The following ENAH variants were observed in gnomAD, a reference collection of about 807,000 sequenced individuals.
ENAH encodes the protein ENAH actin regulator, also known as protein enabled homolog.
A neutral mutation model predicts 78.7 loss-of-function variants in ENAH; 23 were observed. The ratio of observed to expected loss-of-function variants is 0.29; its 90% CI spans 0.21 to 0.41. ENAH has a LOEUF of 0.41. Ranked by LOEUF, ENAH falls within the 10% of genes least tolerant of loss-of-function variation. The pLI is 1.00. For missense variants in ENAH, 544 were observed against 691.0 expected (o/e 0.79, Z 2.39); for synonymous variants, 226 against 241.0 (o/e 0.94, Z 0.58).
At chr1:225,571,428 G>A (rs1383261605) in intron 1 of ENAH, among the ~76,000 whole-genome samples, 1 of 152,066 alleles carries the variant, frequency 6.6e-6, no homozygotes. Flanking sequence ...TTGGGGGCCA[G>A]AGTCCCTAAC....
rs757657359 is a variant in ENAH at position 225,519,568 on chromosome 1, G to T, written c.435-3C>A. ...GCCGTTGCTGTTCTTGTAGTTGTCT[G>T]GAAAAAAAAAAAAAAAAGTAAAAAC... On this transcript the variant is annotated splice_region_variant and splice_polypyrimidine_tract_variant and intron_variant, in intron 4 of 13. Coordinates refer to ENST00000366843, the MANE Select transcript of ENAH (RefSeq NM_018212.6). The T allele has an allele frequency of 1.3e-6, 2 of 1,538,306 alleles. No homozygotes were observed. Among genetic ancestry groups the T allele is most frequent in the Non-Finnish European group, 1.7e-6 (2 of 1,150,382 alleles).
chr1:225,644,417 C>T (rs1190481200), intron 1 of ENAH, among the ~76,000 whole-genome samples: 3 of 152,016 alleles, frequency 2.0e-5, no homozygotes, highest in Non-Finnish European at 2.9e-5. Flanking sequence ...AAAAACTGAA[C>T]GGTCACAATT....
At chr1:225,513,902 T>C (rs1420077526) in intron 7 of ENAH, among the ~76,000 whole-genome samples, 1 of 151,812 alleles carries the variant, frequency 6.6e-6, no homozygotes, top group African/African-American at 2.4e-5. Flanking sequence ...TGAGGCAAAA[T>C]CGCTTGAACC....
chr1:225,560,308 A>G (rs2096695530), intron 2 of ENAH, among the ~76,000 whole-genome samples: 1 of 151,954 alleles, frequency 6.6e-6, no homozygotes, highest in Non-Finnish European at 1.5e-5. Flanking sequence ...CCTGGCCAAC[A>G]TGGCAAAACC....
chr1:225,577,717 G>A (rs751848257), intron 1 of ENAH, among the ~76,000 whole-genome samples: 25 of 152,110 alleles, frequency 1.6e-4, no homozygotes, highest in Non-Finnish European at 2.5e-4. Context: ...AAGCAAGATG[G>A]CATGATTTAA....
chr1:225,505,206 T>C (rs1054405567), intron 11 of ENAH, among the ~76,000 whole-genome samples: 8 of 152,208 alleles, frequency 5.3e-5, no homozygotes, highest in African/African-American at 1.2e-4. Flanking sequence ...ATAAAAGATA[T>C]TTTAAGATTA....
Position 225,492,918 on chromosome 1 carries a change from TAA to T in ENAH, c.*4855_*4856del, listed in dbSNP as rs1223132968. 6.6e-6 allele frequency: 1 copy of T among 152,016 alleles called. No homozygotes were observed. The highest frequency in any genetic ancestry group is 1.5e-5 in the Non-Finnish European group (1 of 67,970). The allele number at this position is 152,016 out of a possible 1,614,324, so 9.4% of individuals were successfully genotyped here. On this transcript the variant is annotated 3_prime_UTR_variant, in exon 14 of 14. Transcript: ENST00000366843. ...AACTATTTAGAAAGACAAATTTAGT[TAA>T]TTCTTTAGCAGTTGTCAAATGTGTC...
At chr1:225,593,418 TG>T (rs2096887708) in intron 1 of ENAH, among the ~76,000 whole-genome samples, 1 of 41,938 alleles carries the variant, frequency 2.4e-5, no homozygotes, top group African/African-American at 8.6e-5. Context: ...GGGGGGGGGG[TG>T]GGGGGTGCCC....
At chr1:225,615,851 G>A (rs532067066) in intron 1 of ENAH, among the ~76,000 whole-genome samples, 1 of 151,538 alleles carries the variant, frequency 6.6e-6, no homozygotes, top group Admixed American at 6.6e-5. Context: ...CATTGAGAAC[G>A]GGCCATGATG....
rs2096253038 is a variant in ENAH, at chr1:225,497,086, T to TTA, written c.*687_*688dup. On this transcript the variant is annotated 3_prime_UTR_variant, in exon 14 of 14. Coordinates refer to ENST00000366843, the MANE Select transcript of ENAH (RefSeq NM_018212.6). ...ACAATTTAGGAAGGCATCTAAATCT[T>TTA]TAAGTTCTGGACAAATTTTATGTTT... 6.6e-6 allele frequency: 1 copy of TTA among 152,650 alleles called. No individual in the cohort carries two copies. The highest frequency in any genetic ancestry group is 1.5e-5 in the Non-Finnish European group (1 of 68,038). 9.5% of individuals were successfully genotyped at this position (152,650 alleles called of 1,614,324 possible).
At chr1:225,519,864 C>T (rs1372924654) in intron 4 of ENAH, among the ~76,000 whole-genome samples, 1 of 152,170 alleles carries the variant, frequency 6.6e-6, no homozygotes, top group African/African-American at 2.4e-5. Context: ...AATAACATAC[C>T]ACTTTAATAA....
chr1:225,519,021 CAG>C (rs953902152), intron 5 of ENAH, 175 bp downstream of exon 5: 1 of 1,043,896 alleles, frequency 9.6e-7, no homozygotes, highest in Non-Finnish European at 1.4e-6. Flanking sequence ...AAAAGCAATA[CAG>C]AGAGAAATAA....
At chr1:225,571,096 G>C (rs1004044473) in intron 1 of ENAH, among the ~76,000 whole-genome samples, 2 of 152,056 alleles carry the variant, frequency 1.3e-5, no homozygotes, top group African/African-American at 4.8e-5. Flanking sequence ...AGTTGCACTT[G>C]GGCCAGGCAC....
rs142851338 is a variant in ENAH at position 225,495,657 on chromosome 1, T to A, written c.*2118A>T. 1 of 152,460 alleles carries A rather than the reference T, an allele frequency of 6.6e-6. No homozygotes were observed. The highest frequency in any genetic ancestry group is 2.4e-5 in the African/African-American group (1 of 41,402). 9.4% of individuals were successfully genotyped at this position (152,460 alleles called of 1,614,324 possible). The stretch of plus-strand genomic sequence containing the variant: ...ACTTACCCAACAAAATCAAAAGAGG[T>A]TGCTGACCAGATTTATAGGGGACAT... On this transcript the variant is annotated 3_prime_UTR_variant, in exon 14 of 14. Transcript: ENST00000366843.
rs757975338 is a variant in ENAH at position 225,512,639 on chromosome 1, C to T, written c.1422+18G>A. The T allele has an allele frequency of 6.2e-7, 1 of 1,607,964 alleles. No individual in the cohort carries two copies. The highest frequency in any genetic ancestry group is 8.5e-7 in the Non-Finnish European group (1 of 1,176,150). ...ATTCCATATTTTAAGGTATGGTAGA[C>T]TATCTTTATTAACTTACACCTTTGT... On this transcript the variant is annotated intron_variant, in intron 9 of 13. Coordinates refer to ENST00000366843, the MANE Select transcript of ENAH (RefSeq NM_018212.6).
At chr1:225,547,522 T>C (rs1489200995) in intron 3 of ENAH, among the ~76,000 whole-genome samples, 1 of 152,202 alleles carries the variant, frequency 6.6e-6, no homozygotes, top group Non-Finnish European at 1.5e-5. Context: ...TATTTCTGCC[T>C]CCACTCAGGA....
intron 3 of ENAH, among the ~76,000 whole-genome samples, chr1:225,554,542 T>C (rs2096657254): frequency 6.6e-6 from 1 of 152,196 alleles, no homozygotes; most frequent in Admixed American, 6.5e-5. Flanking sequence ...TACACAAAGA[T>C]GATAAATAAG....
chr1:225,579,198 C>T (rs967817229), intron 1 of ENAH, among the ~76,000 whole-genome samples: 2 of 152,150 alleles, frequency 1.3e-5, no homozygotes, highest in Non-Finnish European at 2.9e-5. Context: ...GGACTTGCAA[C>T]CACTCTACTA....
intron 1 of ENAH, among the ~76,000 whole-genome samples, chr1:225,634,598 T>C (rs1659726202): frequency 6.6e-6 from 1 of 152,134 alleles, no homozygotes; most frequent in African/African-American, 2.4e-5. Flanking sequence ...ACTGATGTTT[T>C]AAGAAAAAAA....
Sources: allele counts gnomAD v4.1 joint callset (sites outside exome capture counted in the v4.1 genomes callset), GRCh38; gene constraint gnomAD v4.1.1; transcripts MANE v1.5; gene names NCBI Gene and HGNC (gene_info 2026-07-23, HGNC 2026-07-21).